Variants in TAF1B observed in about 807,000 individuals in gnomAD.
TAF1B encodes TATA-box binding protein associated factor, RNA polymerase I subunit B, also known as TATA box-binding protein-associated factor RNA polymerase I subunit B.
In TAF1B, 61 loss-of-function variants were observed where a neutral mutation model predicts 83.9. The observed-to-expected ratio is 0.73, with a 90% CI of 0.59 to 0.90. The LOEUF (loss-of-function observed/expected upper bound fraction) is 0.90, where lower values mean the gene tolerates loss of function less well. Among genes scored for constraint, TAF1B ranks in the 40% least tolerant of loss-of-function variants. The pLI is 0.00. For missense variants in TAF1B, 625 were observed against 677.0 expected (o/e 0.92, Z 0.85); for synonymous variants, 221 against 224.6 (o/e 0.98, Z 0.14).
At chr2:9,851,189 T>G (rs1324409577) in intron 3 of TAF1B, among the ~76,000 whole-genome samples, 1 of 152,218 alleles carries the variant, frequency 6.6e-6, no homozygotes, top group African/African-American at 2.4e-5. Context: ...TAGACATTTT[T>G]AAAACTCGTT....
chr2:9,931,329 T>A (rs1666204878), intron 14 of TAF1B, among the ~76,000 whole-genome samples: 2 of 152,218 alleles, frequency 1.3e-5, no homozygotes, highest in Admixed American at 1.3e-4. Context: ...CCATGTTTAG[T>A]GCTTCCTTCA....
Position 9,919,739 on chromosome 2 carries a change from A to T in TAF1B, c.1484A>T (p.Gln495Leu). The change falls in exon 14 of 15, where the codon CAG becomes CTG. Residue 495 changes from glutamine to leucine, a missense_variant. Gln to Leu is a moderately radical substitution (Grantham distance 113). Transcript: ENST00000263663. ...ACGTGTTTCCATGGACACAGCCTTC[A>T]GGGAGTCCTGAAAGAGAAAGGCCAA... Reference protein sequence around the residue: ...DRTCFHGHSLQGVLKEKGQSL... With the variant: ...DRTCFHGHSLLGVLKEKGQSL... 1 of 1,614,222 alleles carries T rather than the reference A, an allele frequency of 6.2e-7. No homozygotes were observed. Among genetic ancestry groups the T allele is most frequent in the South Asian group, 1.1e-5 (1 of 91,092 alleles).
chr2:9,859,385 C>CTTTTT (rs1663675836), intron 5 of TAF1B, among the ~76,000 whole-genome samples: 1 of 120,520 alleles, frequency 8.3e-6, no homozygotes. Flanking sequence ...TCACTATCAG[C>CTTTTT]ATTTTTTTTT....
At chr2:9,910,964 A>G (rs1437945971) in intron 10 of TAF1B, 51 bp downstream of exon 10, 47 of 1,505,050 alleles carry the variant, frequency 3.1e-5, no homozygotes, top group Non-Finnish European at 4.1e-5. Flanking sequence ...TGCTGATCTT[A>G]GTTTTTTAAG....
chr2:9,913,808 G>A (rs1451474794), intron 12 of TAF1B: 1 of 152,288 alleles, frequency 6.6e-6, no homozygotes, highest in African/African-American at 2.4e-5. Context: ...GAGAGCATAA[G>A]CAGCGCTAGG....
intron 5 of TAF1B, among the ~76,000 whole-genome samples, chr2:9,859,670 G>A (rs1019578277): frequency 6.6e-6 from 1 of 152,182 alleles, no homozygotes; most frequent in Non-Finnish European, 1.5e-5. Flanking sequence ...ATAGGCATGA[G>A]CCATCGCACC....
At chr2:9,868,618 A>C in intron 6 of TAF1B, 189 bp downstream of exon 6, 1 of 849,660 alleles carries the variant, frequency 1.2e-6, no homozygotes, top group South Asian at 1.4e-5. Flanking sequence ...AATTTTTTAA[A>C]AGGCACATTG....
At chr2:9,889,622 C>T (rs1196007536) in intron 8 of TAF1B, among the ~76,000 whole-genome samples, 1 of 152,088 alleles carries the variant, frequency 6.6e-6, no homozygotes, top group African/African-American at 2.4e-5. Context: ...TGCCTCTTTG[C>T]ATGACTGGTA....
At chr2:9,876,058 A>G (rs1007563496) in intron 7 of TAF1B, 40 bp downstream of exon 7, 1 of 1,538,506 alleles carries the variant, frequency 6.5e-7, no homozygotes, top group Middle Eastern at 1.7e-4. Flanking sequence ...TTTGCTGGTT[A>G]CTACATGAAC....
intron 8 of TAF1B, among the ~76,000 whole-genome samples, chr2:9,895,177 T>G (rs911398734): frequency 6.6e-6 from 1 of 152,218 alleles, no homozygotes; most frequent in African/African-American, 2.4e-5. Context: ...CACCACAAAC[T>G]CCCAGAAGAC....
intron 14 of TAF1B, among the ~76,000 whole-genome samples, chr2:9,932,128 GAA>G (rs1666234131): frequency 6.6e-6 from 1 of 152,180 alleles, no homozygotes; most frequent in African/African-American, 2.4e-5. Flanking sequence ...CTTTAGCTCA[GAA>G]AAGTTTGTTA....
intron 4 of TAF1B, among the ~76,000 whole-genome samples, chr2:9,852,881 C>T (rs1376867738): frequency 6.6e-6 from 1 of 152,202 alleles, no homozygotes; most frequent in Non-Finnish European, 1.5e-5. Flanking sequence ...GGAGCCTTTG[C>T]TGTTCAAACT....
chr2:9,908,258 G>C (rs1040605032), intron 9 of TAF1B, among the ~76,000 whole-genome samples: 2 of 150,616 alleles, frequency 1.3e-5, no homozygotes, highest in African/African-American at 4.9e-5. Flanking sequence ...TGTTAGCCAG[G>C]ATGGTCTGGA....
chr2:9,873,038 T>C (rs1484852670), intron 6 of TAF1B, among the ~76,000 whole-genome samples: 3 of 152,226 alleles, frequency 2.0e-5, no homozygotes, highest in African/African-American at 7.2e-5. Context: ...ATTTTTATAT[T>C]ATAAACAGTG....
chr2:9,865,285 A>C (rs1416264281), intron 5 of TAF1B, among the ~76,000 whole-genome samples: 1 of 152,192 alleles, frequency 6.6e-6, no homozygotes, highest in Non-Finnish European at 1.5e-5. Context: ...AAGCATTCTT[A>C]TACACCAATA....
intron 14 of TAF1B, among the ~76,000 whole-genome samples, chr2:9,922,712 A>G (rs1420008385): frequency 2.0e-5 from 3 of 152,110 alleles, no homozygotes; most frequent in Non-Finnish European, 4.4e-5. Flanking sequence ...TGTAAGGACT[A>G]CTAGAATGTA....
intron 6 of TAF1B, among the ~76,000 whole-genome samples, chr2:9,868,993 A>G (rs565381749): frequency 6.6e-6 from 1 of 152,204 alleles, no homozygotes; most frequent in Non-Finnish European, 1.5e-5. Flanking sequence ...ACAGATATCA[A>G]ATAAGTTACT....
At position 9,897,983 on chromosome 2, in the gene TAF1B, C is replaced by T. The variant is rs888373579; in HGVS notation, c.808-6876C>T. 1.0e-3 allele frequency among the ~76,000 whole-genome samples: 159 copies of T among 151,834 alleles called. 1 individual carries two copies. The highest frequency in any genetic ancestry group is 3.6e-3 in the African/African-American group (150 of 41,340). On this transcript the variant is annotated intron_variant, in intron 8 of 14. Transcript: ENST00000263663. ...TTCCTGGCCCACTTCCCCCAACCCC[C>T]CACCCCGCCCCCAGCTACCATCATC...
Position 9,919,824 on chromosome 2 carries a change from A to G in TAF1B, c.1565+4A>G, listed in dbSNP as rs370480018. The G allele has an allele frequency of 6.2e-7, 1 of 1,611,144 alleles. No homozygotes were observed. Among genetic ancestry groups the G allele is most frequent in the African/African-American group, 1.3e-5 (1 of 74,812 alleles). On this transcript the variant is annotated splice_donor_region_variant and intron_variant, in intron 14 of 14. Transcript: ENST00000263663. The stretch of plus-strand genomic sequence containing the variant: ...GTACACAGAAATTCTGCAGATGGTA[A>G]TAATGCTTTTAGAAAAAGTCACATA...
Sources: allele counts gnomAD v4.1 joint callset (sites outside exome capture counted in the v4.1 genomes callset), GRCh38; gene constraint gnomAD v4.1.1; transcripts MANE v1.5; gene names NCBI Gene and HGNC (gene_info 2026-07-23, HGNC 2026-07-21).